The following ASTN2 variants were observed in gnomAD, a reference collection of about 807,000 sequenced individuals.
ASTN2 encodes astrotactin-2.
In ASTN2, 54 loss-of-function variants were observed where a neutral mutation model predicts 139.8. The ratio of observed to expected loss-of-function variants is 0.39; its 90% CI spans 0.31 to 0.48. The LOEUF is 0.48. Ranked by LOEUF, ASTN2 falls within the 20% of genes least tolerant of loss-of-function variation. The pLI is 0.95. For missense variants in ASTN2, 1,565 were observed against 1,725.1 expected, an observed-to-expected ratio of 0.91 and a Z score of 1.64; for synonymous variants, 756 against 719.5, an observed-to-expected ratio of 1.05 and a Z score of -0.81.
chr9:116,900,457 T>C (rs1480481439), intron 10 of ASTN2, among the ~76,000 whole-genome samples: 1 of 152,186 alleles, frequency 6.6e-6, no homozygotes, highest in Non-Finnish European at 1.5e-5. Flanking sequence ...GTTTCTGTGA[T>C]ATGTAATTTG....
Position 116,824,165 on chromosome 9 carries a change from G to A in ASTN2, c.2041-3382C>T, listed in dbSNP as rs73529460. 7.3e-3 allele frequency among the ~76,000 whole-genome samples: 1,108 copies of A among 152,272 alleles called. 7 individuals are homozygous for A. The highest frequency in any genetic ancestry group is 0.024 in the African/African-American group (1,017 of 41,552). On this transcript the variant is annotated intron_variant, in intron 11 of 22. Coordinates refer to ENST00000313400, the MANE Select transcript of ASTN2 (RefSeq NM_001365068.1). The stretch of plus-strand genomic sequence containing the variant: ...TATAACCTTCAGGCAGTGACATAAA[G>A]TCTCCTATCTTCACGTGATTACTGT...
intron 17 of ASTN2, among the ~76,000 whole-genome samples, chr9:116,632,252 G>GAAAGAAAGAAAGAAAGAAAGAAA (rs1856833378): frequency 1.4e-5 from 1 of 70,916 alleles, no homozygotes; most frequent in African/African-American, 7.1e-5. Flanking sequence ...AAAGAAAGAA[G>GAAAGAAAGAAAGAAAGAAAGAAA]GAAAGAAAGA....
intron 5 of ASTN2, among the ~76,000 whole-genome samples, chr9:117,063,428 G>C (rs1169693797): frequency 6.6e-6 from 1 of 152,136 alleles, no homozygotes; most frequent in East Asian, 1.9e-4. Flanking sequence ...AATCTCATGA[G>C]ATCTGATGGT....
At chr9:116,914,071 T>C (rs1834381657) in intron 10 of ASTN2, among the ~76,000 whole-genome samples, 1 of 148,230 alleles carries the variant, frequency 6.7e-6, no homozygotes, top group Non-Finnish European at 1.5e-5. Flanking sequence ...AAATAGGAAA[T>C]GTTTTAAGTA....
rs1445721198 is a variant in ASTN2 at position 117,126,451 on chromosome 9, C to A, written c.1168+14875G>T. On this transcript the variant is annotated intron_variant, in intron 4 of 22. Coordinates refer to ENST00000313400, the MANE Select transcript of ASTN2 (RefSeq NM_001365068.1). The stretch of plus-strand genomic sequence containing the variant: ...AGTAAGGGTTAGAGAAAGGTTGTTA[C>A]AGTAATACATGTGAAACTCATTACT... 3.9e-5 allele frequency among the ~76,000 whole-genome samples: 6 copies of A among 152,300 alleles called. No homozygotes were observed. The East Asian group carries it at 1.2e-3, about 29-fold the overall frequency.
In ASTN2 at chr9:116,461,030, T is replaced by C. The variant is rs1848470184; in HGVS notation, c.3498-18477A>G. 3.9e-5 allele frequency among the ~76,000 whole-genome samples: 6 copies of C among 152,266 alleles called. No homozygotes were observed. The South Asian group carries it at 1.2e-3, about 32-fold the overall frequency. ...GGGAATTCACCTTGAACCTCTGGCA[T>C]GTTCCCAATAATGTGCACATCCTCC... On this transcript the variant is annotated intron_variant, in intron 20 of 22. Coordinates refer to ENST00000313400, the MANE Select transcript of ASTN2 (RefSeq NM_001365068.1).
chr9:116,609,328 C>A (rs55873347), intron 19 of ASTN2, among the ~76,000 whole-genome samples: 104,367 of 121,686 alleles, frequency 0.86, 44,286 homozygotes, highest in Middle Eastern at 0.9. Flanking sequence ...CTCTCTCTCT[C>A]TATATATATA....
chr9:116,437,528 T>A, intron 22 of ASTN2: 1 of 471,304 alleles, frequency 2.1e-6, no homozygotes, highest in South Asian at 1.5e-5. Context: ...CTGGCCTCTG[T>A]GGGCGGCCCG....
chr9:116,581,054 A>C (rs1307742718), intron 19 of ASTN2, among the ~76,000 whole-genome samples: 5 of 152,116 alleles, frequency 3.3e-5, no homozygotes, highest in Non-Finnish European at 7.3e-5. Flanking sequence ...GGTGGGGAGA[A>C]AGTTTGGCAG....
chr9:117,178,637 T>A (rs987569112), intron 3 of ASTN2, among the ~76,000 whole-genome samples: 20 of 152,212 alleles, frequency 1.3e-4, no homozygotes, highest in Admixed American at 8.5e-4. Context: ...CTAGGATCTC[T>A]GCTGGCAGGA....
intron 16 of ASTN2, among the ~76,000 whole-genome samples, chr9:116,705,443 AATGTAT>A (rs1243384457): frequency 6.6e-6 from 1 of 152,190 alleles, no homozygotes; most frequent in Non-Finnish European, 1.5e-5. Flanking sequence ...AGTTTGTGTG[AATGTAT>A]ATAAGTCAAA....
intron 12 of ASTN2, among the ~76,000 whole-genome samples, chr9:116,808,146 A>G (rs77188544): frequency 7.9e-5 from 12 of 152,038 alleles, no homozygotes; most frequent in Non-Finnish European, 1.5e-4. Context: ...AGACAAAAAA[A>G]CCATTATCAA....
At chr9:117,313,303 T>C (rs1208450039) in intron 1 of ASTN2, among the ~76,000 whole-genome samples, 1 of 152,150 alleles carries the variant, frequency 6.6e-6, no homozygotes, top group Non-Finnish European at 1.5e-5. Flanking sequence ...TTGGATTTTA[T>C]CATATTTACT....
At chr9:116,764,713 C>T (rs1829761067) in intron 13 of ASTN2, among the ~76,000 whole-genome samples, 1 of 152,158 alleles carries the variant, frequency 6.6e-6, no homozygotes, top group South Asian at 2.1e-4. Context: ...TGATCCCTTT[C>T]TTAATCCCTG....
Position 117,096,041 on chromosome 9 carries a change from T to TA in ASTN2, c.1276+2dup, listed in dbSNP as rs770833847. The stretch of plus-strand genomic sequence containing the variant: ...TTCTGGAACCTTCCAAGGACACTAT[T>TA]ACCTTTGCTGCGGCGGCGACTGCGG... On this transcript the variant is annotated splice_region_variant and intron_variant, in intron 5 of 22. Transcript: ENST00000313400. The TA allele has an allele frequency of 1.2e-6, 2 of 1,613,744 alleles. No homozygotes were observed. The highest frequency in any genetic ancestry group is 2.7e-5 in the African/African-American group (2 of 75,012).
At chr9:117,018,070 C>A (rs573112085) in intron 6 of ASTN2, among the ~76,000 whole-genome samples, 112 of 151,952 alleles carry the variant, frequency 7.4e-4, no homozygotes, top group African/African-American at 2.5e-3. Flanking sequence ...CTGGGATGAT[C>A]GGCGTAGGGT....
rs189891222 is a variant in ASTN2, at chr9:117,180,786, C to T, written c.1015+33572G>A. ...CACAGCCATCAGGGATGAGCTGCTT[C>T]TCAGCCACCATGTCTTCAAATTCAT... On this transcript the variant is annotated intron_variant, in intron 3 of 22. Transcript: ENST00000313400. The T allele has an allele frequency of 4.3e-3, 6,622 of 1,550,398 alleles. 25 individuals are homozygous for T. The highest frequency in any genetic ancestry group is 0.011 in the Middle Eastern group (64 of 5,978).
intron 10 of ASTN2, among the ~76,000 whole-genome samples, chr9:116,919,540 T>C (rs189909493): frequency 6.6e-6 from 1 of 152,264 alleles, no homozygotes; most frequent in East Asian, 1.9e-4. Context: ...TTCATGGACC[T>C]ATGAATTTTT....
chr9:116,620,546 T>TAGCCCCTTTA, intron 17 of ASTN2, 103 bp from the exon 18 acceptor site: 3 of 1,434,366 alleles, frequency 2.1e-6, no homozygotes, highest in Non-Finnish European at 2.9e-6. Context: ...GGCTTTAGAG[T>TAGCCCCTTTA]AGCCCCTTTA....
Sources: gnomAD v4.1 joint callset for allele counts (sites outside exome capture counted in the v4.1 genomes callset) on GRCh38, gnomAD v4.1.1 for gene constraint, MANE v1.5 for transcripts, NCBI Gene and HGNC (gene_info 2026-07-23, HGNC 2026-07-21) for gene names.